Variants in MAPK10 observed in about 807,000 individuals in gnomAD.
MAPK10 encodes the protein JNK3 alpha protein kinase.
In MAPK10, 25 loss-of-function variants were observed where a neutral mutation model predicts 59.3. That is an observed-to-expected ratio of 0.42 (90% CI 0.31 to 0.59). The LOEUF (loss-of-function observed/expected upper bound fraction) is 0.59. Ranked by LOEUF, MAPK10 falls within the 20% of genes least tolerant of loss-of-function variation. The pLI is 0.15. For synonymous variants in MAPK10, 190 were observed against 200.5 expected, an observed-to-expected ratio of 0.95 and a Z score of 0.44; for missense variants, 351 against 568.9, an observed-to-expected ratio of 0.62 and a Z score of 3.90.
intron 1 of MAPK10, among the ~76,000 whole-genome samples, chr4:86,547,640 G>A (rs186085875): frequency 7.9e-5 from 12 of 152,312 alleles, no homozygotes; most frequent in East Asian, 7.7e-4. Context: ...GAGGAATGCC[G>A]GCGGCAGGCA....
intron 1 of MAPK10, among the ~76,000 whole-genome samples, chr4:86,559,887 C>A (rs570088923): frequency 6.7e-6 from 1 of 148,484 alleles, no homozygotes; most frequent in Non-Finnish European, 1.5e-5. Flanking sequence ...TGCAGTGAGC[C>A]GAGATTGCAA....
At chr4:86,338,798 G>C (rs187242294) in intron 2 of MAPK10, among the ~76,000 whole-genome samples, 1 of 152,148 alleles carries the variant, frequency 6.6e-6, no homozygotes, top group African/African-American at 2.4e-5. Flanking sequence ...AGTGATGAAA[G>C]TGCTTGGTAA....
At chr4:86,403,006 G>A (rs940925783) in intron 1 of MAPK10, among the ~76,000 whole-genome samples, 14 of 152,002 alleles carry the variant, frequency 9.2e-5, no homozygotes, top group Admixed American at 2.6e-4. Context: ...AGATCCTATG[G>A]CACACAAGAT....
intron 2 of MAPK10, among the ~76,000 whole-genome samples, chr4:86,305,271 G>C (rs564173582): frequency 1.3e-5 from 2 of 152,040 alleles, no homozygotes; most frequent in East Asian, 3.9e-4. Context: ...ATTAGGAAAA[G>C]ACTCCCATCC....
At chr4:86,555,992 A>G (rs542183522) in intron 1 of MAPK10, among the ~76,000 whole-genome samples, 1 of 152,326 alleles carries the variant, frequency 6.6e-6, no homozygotes, top group South Asian at 2.1e-4. Context: ...AGCTAGTAAG[A>G]TTATAATCTG....
intron 1 of MAPK10, among the ~76,000 whole-genome samples, chr4:86,591,281 G>A (rs180907083): frequency 6.6e-6 from 1 of 152,244 alleles, no homozygotes; most frequent in East Asian, 1.9e-4. Flanking sequence ...TGTGGCTACT[G>A]TAAGTGGGAT....
At chr4:86,344,321 T>A (rs1298150843) in intron 2 of MAPK10, among the ~76,000 whole-genome samples, 1 of 152,162 alleles carries the variant, frequency 6.6e-6, no homozygotes, top group East Asian at 1.9e-4. Context: ...TGTCTTGCTA[T>A]ATTGCCCAGG....
intron 13 of MAPK10, among the ~76,000 whole-genome samples, chr4:86,021,727 G>A (rs1252222321): frequency 1.3e-5 from 2 of 152,260 alleles, no homozygotes; most frequent in Non-Finnish European, 2.9e-5. Context: ...AGGCATGGCG[G>A]GCTGCAGGTC....
At chr4:86,456,752 G>A (rs978392292), upstream of MAPK10, among the ~76,000 whole-genome samples, 3 of 152,064 alleles carry the variant, frequency 2.0e-5, no homozygotes, top group African/African-American at 4.8e-5. Flanking sequence ...ATACCAATTC[G>A]ATTGACACTA....
intron 3 of MAPK10, among the ~76,000 whole-genome samples, chr4:86,191,367 T>C (rs544354340): frequency 6.6e-6 from 1 of 152,150 alleles, no homozygotes; most frequent in African/African-American, 2.4e-5. Flanking sequence ...CCACTATTAT[T>C]GTGTGAGAGT....
chr4:86,088,425 A>G (rs945024906), intron 9 of MAPK10, among the ~76,000 whole-genome samples: 1 of 152,114 alleles, frequency 6.6e-6, no homozygotes, highest in Admixed American at 6.6e-5. Context: ...GGCTCAAGTG[A>G]TCCTTCCACT....
chr4:86,303,216 A>C (rs1044562329), intron 2 of MAPK10, among the ~76,000 whole-genome samples: 3 of 152,116 alleles, frequency 2.0e-5, no homozygotes, highest in Admixed American at 2.0e-4. Flanking sequence ...AACTCTTTTC[A>C]ATTTCATGCT....
intron 4 of MAPK10, among the ~76,000 whole-genome samples, chr4:86,120,855 A>G (rs1015008641): frequency 6.6e-6 from 1 of 152,136 alleles, no homozygotes; most frequent in Non-Finnish European, 1.5e-5. Context: ...GCCTTGCTAC[A>G]CTGATTTTGC....
At chr4:86,084,007 A>G (rs934281043) in intron 9 of MAPK10, among the ~76,000 whole-genome samples, 1 of 152,156 alleles carries the variant, frequency 6.6e-6, no homozygotes, top group African/African-American at 2.4e-5. Context: ...AGGATTCATC[A>G]CCTGCTAACT....
chr4:86,379,446 C>A (rs143450053), intron 1 of MAPK10, among the ~76,000 whole-genome samples: 2,456 of 152,286 alleles, frequency 0.016, 82 homozygotes, highest in African/African-American at 0.055. Context: ...TCGCCATAAA[C>A]TGGCCCCAAA....
intron 2 of MAPK10, among the ~76,000 whole-genome samples, chr4:86,218,580 A>C (rs1299728036): frequency 1.3e-5 from 2 of 152,058 alleles, no homozygotes; most frequent in East Asian, 1.9e-4. Flanking sequence ...AAAAAAAAAA[A>C]AAAAAAACAC....
intron 1 of MAPK10, among the ~76,000 whole-genome samples, chr4:86,559,777 A>G (rs936253465): frequency 1.3e-5 from 2 of 152,032 alleles, no homozygotes; most frequent in African/African-American, 4.8e-5. Flanking sequence ...CGTCTCTACT[A>G]AAAATACAAA....
intron 1 of MAPK10, chr4:86,357,790 A>C (rs1045778217): frequency 7.2e-5 from 11 of 152,172 alleles, no homozygotes; most frequent in African/African-American, 2.7e-4. Context: ...CACTCTACAT[A>C]TAATTTCTTA....
chr4:86,433,337 C>A (rs1289917320), intron 1 of MAPK10, among the ~76,000 whole-genome samples: 1 of 152,080 alleles, frequency 6.6e-6, no homozygotes, highest in African/African-American at 2.4e-5. Flanking sequence ...CCTCCAGGAC[C>A]CCCAGCTGGA....
Sources: allele counts gnomAD v4.1 joint callset (sites outside exome capture counted in the v4.1 genomes callset), GRCh38; gene constraint gnomAD v4.1.1; transcripts MANE v1.5; gene names NCBI Gene and HGNC (gene_info 2026-07-23, HGNC 2026-07-21).